Variants in NMI observed in about 807,000 individuals in gnomAD.
NMI encodes the protein N-myc-interactor.
Under a neutral mutation model 34.3 loss-of-function variants are expected in NMI, and 39 were observed. That is an observed-to-expected ratio of 1.14 (90% confidence interval 0.88 to 1.49). The LOEUF (loss-of-function observed/expected upper bound fraction) is 1.49. Ranked by LOEUF, NMI falls within the 40% of genes most tolerant of loss-of-function variation. NMI has a pLI of 0.00. For synonymous variants in NMI, 113 were observed against 120.3 expected (o/e 0.94, Z 0.40); for missense variants, 339 against 358.1 (o/e 0.95, Z 0.43).
intron 7 of NMI, 123 bp from the exon 8 acceptor site, chr2:151,270,998 G>C (rs1293770681): frequency 6.2e-6 from 5 of 802,168 alleles, no homozygotes; most frequent in Admixed American, 2.9e-5. Context: ...ATCTTAGGAA[G>C]ATTTTCCAAG....
chr2:151,283,192 G>A (rs1683438917), intron 1 of NMI, among the ~76,000 whole-genome samples: 1 of 151,740 alleles, frequency 6.6e-6, no homozygotes, highest in Non-Finnish European at 1.5e-5. Flanking sequence ...CCAGGCTGGA[G>A]GGCAATGGTG....
In NMI at chr2:151,278,917, G is replaced by A; in HGVS notation, c.251C>T (p.Ser84Leu). 1 of 1,612,468 alleles carries A rather than the reference G, an allele frequency of 6.2e-7. No individual in the cohort carries two copies. The highest frequency in any genetic ancestry group is 8.5e-7 in the Non-Finnish European group (1 of 1,178,750). ...CACTTGAAACGAACAGGAGATATTT[G>A]ACAACTGGCTGTCATTCTCAGGAGT... ...VETPENDSQL[S>L]NISCSFQVSS... is the part of the protein sequence containing the mutation. Residue 84 changes from serine (S) to leucine (L), a missense_variant, in exon 4 of 8, where the codon TCA becomes TTA. Ser to Leu is a moderately radical substitution (Grantham distance 145, BLOSUM62 -2). Transcript: ENST00000243346.
chr2:151,272,959 A>G (rs1683214312), intron 6 of NMI, among the ~76,000 whole-genome samples: 1 of 151,326 alleles, frequency 6.6e-6, no homozygotes, highest in African/African-American at 2.4e-5. Flanking sequence ...TTATTGTTAA[A>G]TGGGTACAGA....
At position 151,271,668 on chromosome 2, in the gene NMI, A is replaced by G. The variant is rs1683189785; in HGVS notation, c.699T>C (p.Val233=). The G allele has an allele frequency of 6.3e-7, 1 of 1,585,910 alleles. No homozygotes were observed. Among genetic ancestry groups the G allele is most frequent in the African/African-American group, 1.3e-5 (1 of 74,268 alleles). The change falls in exon 7 of 8, where the codon GTT becomes GTC. Residue 233 remains valine (V), a synonymous_variant. Transcript: ENST00000243346. ...PLYINQTCHR[V]TVSPYTEIHL... is the part of the protein sequence containing the mutation. ...GTATTTCTGTGTATGGAGAAACAGTAACTCTATGGCAGGTTTGATTTATAT... is the reference window on the plus strand; with the variant it reads ...GTATTTCTGTGTATGGAGAAACAGTGACTCTATGGCAGGTTTGATTTATAT...
At chr2:151,282,077 A>G in intron 2 of NMI, 34 bp from the exon 3 acceptor site, 1 of 943,324 alleles carries the variant, frequency 1.1e-6, no homozygotes, top group Non-Finnish European at 1.7e-6. Flanking sequence ...AAGAAAGTAA[A>G]TAGCCCCTGA....
At chr2:151,275,910 G>A in intron 4 of NMI, 46 bp from the exon 5 acceptor site, 2 of 1,201,120 alleles carry the variant, frequency 1.7e-6, no homozygotes, top group Non-Finnish European at 2.4e-6. Context: ...AATATTTTAA[G>A]AATTGTTATG....
chr2:151,282,707 TG>T, intron 2 of NMI, 160 bp downstream of exon 2: 1 of 431,984 alleles, frequency 2.3e-6, no homozygotes, highest in East Asian at 4.0e-5. Flanking sequence ...TGACACTTCT[TG>T]TAAGGCTTAA....
intron 1 of NMI, among the ~76,000 whole-genome samples, chr2:151,284,671 A>C (rs1398781503): frequency 6.6e-6 from 1 of 152,126 alleles, no homozygotes; most frequent in Non-Finnish European, 1.5e-5. Context: ...ATGGTACACA[A>C]AATTTAAGAA....
chr2:151,288,343 A>C (rs954385388), intron 1 of NMI, among the ~76,000 whole-genome samples: 8 of 152,222 alleles, frequency 5.3e-5, no homozygotes, highest in African/African-American at 1.7e-4. Context: ...CAAGAGTGAA[A>C]TGTGACCCCG....
Position 151,270,838 on chromosome 2 carries a change from G to C in NMI, c.779C>G (p.Thr260Arg). 1 of 1,613,712 alleles carries C rather than the reference G, an allele frequency of 6.2e-7. No homozygotes were observed. The change falls in exon 8 of 8, where the codon ACA becomes AGA. Residue 260 changes from threonine (T) to arginine (R), a missense_variant. Transcript: ENST00000243346. ...SGTSKRTVLL[T>R]GMEGIQMDEE... is the part of the protein sequence containing the mutation. ...ATCCATTTGAATGCCTTCCATTCCTGTCAGAAGCACTGTCCTCTTAGATGT... is the reference window on the plus strand; with the variant it reads ...ATCCATTTGAATGCCTTCCATTCCTCTCAGAAGCACTGTCCTCTTAGATGT...
At chr2:151,283,063 A>G (rs938650847) in intron 1 of NMI, 109 bp from the exon 2 acceptor site, 3 of 499,642 alleles carry the variant, frequency 6.0e-6, no homozygotes, top group Admixed American at 4.0e-5. Context: ...CTTCTTTGCT[A>G]TATCTTTTTT....
chr2:151,280,643 C>T (rs1683381431), intron 3 of NMI, among the ~76,000 whole-genome samples: 1 of 152,168 alleles, frequency 6.6e-6, no homozygotes, highest in Non-Finnish European at 1.5e-5. Context: ...TGGTCCTCTG[C>T]AAAGTGGGTC....
intron 1 of NMI, among the ~76,000 whole-genome samples, chr2:151,287,453 C>T (rs1005557750): frequency 1.3e-5 from 2 of 152,112 alleles, no homozygotes; most frequent in Non-Finnish European, 2.9e-5. Flanking sequence ...CTTTCCCGTC[C>T]TATTTAGTCA....
chr2:151,275,742 T>G lies in NMI; in HGVS notation c.447+16A>C. 6.2e-7 allele frequency: 1 copy of G among 1,611,050 alleles called. No homozygotes were observed. The highest frequency in any genetic ancestry group is 2.2e-5 in the East Asian group (1 of 44,854). ...GTGATGAACAGAAATCCAAAAAATT[T>G]TAATCATCCTGTTACCTGGAATCTG... On this transcript the variant is annotated intron_variant, in intron 5 of 7. Coordinates refer to ENST00000243346, the MANE Select transcript of NMI (RefSeq NM_004688.3).
At chr2:151,287,923 A>C (rs1261807266) in intron 1 of NMI, among the ~76,000 whole-genome samples, 1 of 152,236 alleles carries the variant, frequency 6.6e-6, no homozygotes, top group Non-Finnish European at 1.5e-5. Context: ...CAGAAACTGC[A>C]ATGTTATTTA....
intron 7 of NMI, 75 bp from the exon 8 acceptor site, chr2:151,270,950 G>T: frequency 2.7e-6 from 3 of 1,113,388 alleles, no homozygotes; most frequent in Non-Finnish European, 3.9e-6. Context: ...CATAATCTCT[G>T]CTTAATATTT....
intron 4 of NMI, chr2:151,277,156 G>GGA (rs1558875613): frequency 1.3e-5 from 2 of 152,014 alleles, no homozygotes; most frequent in African/African-American, 4.8e-5. Context: ...TGGAGGAAGA[G>GGA]AAAAAAGGGC....
In NMI at chr2:151,278,982, C is replaced by A; in HGVS notation, c.186G>T (p.Glu62Asp). The A allele has an allele frequency of 6.3e-7, 1 of 1,588,342 alleles. No homozygotes were observed. Among genetic ancestry groups the A allele is most frequent in the South Asian group, 1.1e-5 (1 of 89,202 alleles). Residue 62 changes from glutamate (E) to aspartate (D), a missense_variant, in exon 4 of 8, where the codon GAG (glutamate) becomes GAT (aspartate). Glu to Asp is a conservative substitution (Grantham distance 45). Transcript: ENST00000243346. Reference sequence around the variant, plus strand: ...ATTTCATCTTTGTTTCAGGAATATCCTCTTTAATCTAATCCAAATGAAAAT... The same window carrying A: ...ATTTCATCTTTGTTTCAGGAATATCATCTTTAATCTAATCCAAATGAAAAT... ...QEATKEFQIK[E>D]DIPETKMKFL...
chr2:151,282,980 T>C (rs1683433197), intron 1 of NMI, 26 bp from the exon 2 acceptor site: 1 of 1,151,802 alleles, frequency 8.7e-7, no homozygotes, highest in East Asian at 2.6e-5. Flanking sequence ...ATAAATATTA[T>C]AAGCATAGCA....
Sources: allele counts gnomAD v4.1 joint callset (sites outside exome capture counted in the v4.1 genomes callset), GRCh38; gene constraint gnomAD v4.1.1; transcripts MANE v1.5; gene names NCBI Gene and HGNC (gene_info 2026-07-23, HGNC 2026-07-21).